The following ALPK1 variants were observed in gnomAD, a reference collection of about 807,000 sequenced individuals.
The protein encoded by ALPK1 is alpha-protein kinase 1.
A neutral mutation model predicts 120.6 loss-of-function variants in ALPK1; 110 were observed. The observed-to-expected ratio is 0.91, with a 90% CI of 0.78 to 1.07. The LOEUF (loss-of-function observed/expected upper bound fraction) is 1.07. Ranked by LOEUF, ALPK1 falls within the 50% of genes least tolerant of loss-of-function variation. The pLI, the probability that ALPK1 is intolerant of heterozygous loss-of-function variation, is 0.00. For synonymous variants in ALPK1, 582 were observed against 560.3 expected (o/e 1.04, Z -0.55); for missense variants, 1,498 against 1,483.9 (o/e 1.01, Z -0.16).
intron 1 of ALPK1, among the ~76,000 whole-genome samples, chr4:112,310,957 A>G (rs1191037278): frequency 6.6e-6 from 1 of 151,320 alleles, no homozygotes; most frequent in Non-Finnish European, 1.5e-5. Flanking sequence ...GGGACTTTAA[A>G]GACTTTAGCA....
chr4:112,434,825 T>C (rs1347364268), intron 11 of ALPK1, among the ~76,000 whole-genome samples: 3 of 152,198 alleles, frequency 2.0e-5, no homozygotes, highest in Admixed American at 1.3e-4. Context: ...TCTCTGGGGT[T>C]TTCTGATTTT....
intron 5 of ALPK1, among the ~76,000 whole-genome samples, chr4:112,412,612 G>T (rs376897023): frequency 2.0e-5 from 3 of 151,932 alleles, no homozygotes; most frequent in Admixed American, 6.6e-5. Context: ...GGGCTGGGGG[G>T]AGGGGGGCCT....
chr4:112,404,759 C>T (rs942275997), intron 4 of ALPK1, among the ~76,000 whole-genome samples: 1 of 152,152 alleles, frequency 6.6e-6, no homozygotes, highest in African/African-American at 2.4e-5. Flanking sequence ...GGATTGTGAA[C>T]ATTTTTGTGT....
chr4:112,358,916 C>T lies in ALPK1; in HGVS notation c.-100-18762C>T. 4 of 769,098 alleles carry T rather than the reference C, an allele frequency of 5.2e-6. No individual in the cohort carries two copies. In the South Asian group the frequency reaches 5.4e-5, roughly 10 times the overall value. The allele number at this position is 769,098 out of a possible 1,614,324, so 47.6% of individuals were successfully genotyped here. A position where few individuals can be genotyped will look rare whatever the true frequency, so the allele number is the denominator to read the frequency against. On this transcript the variant is annotated intron_variant, in intron 2 of 15. Transcript: ENST00000650871. ...TTGGCCTCCTCTTTGCTGAAAACCC[C>T]AAGAAGCACAGCCAGCTCCAGGGCT...
chr4:112,352,591 A>C (rs1361376585), intron 2 of ALPK1: 1 of 152,210 alleles, frequency 6.6e-6, no homozygotes, highest in Non-Finnish European at 1.5e-5. Flanking sequence ...ATGCTATGTA[A>C]ATAGTTGTTA....
At chr4:112,332,756 C>G (rs1435660393) in intron 2 of ALPK1, among the ~76,000 whole-genome samples, 2 of 152,256 alleles carry the variant, frequency 1.3e-5, no homozygotes, top group Non-Finnish European at 2.9e-5. Context: ...CATTTATCAC[C>G]CAACCCTCTT....
chr4:112,335,595 T>A (rs1729580729), intron 2 of ALPK1, among the ~76,000 whole-genome samples: 1 of 152,194 alleles, frequency 6.6e-6, no homozygotes, highest in Non-Finnish European at 1.5e-5. Flanking sequence ...AGTTTCTGAG[T>A]ACCAGCTTTG....
chr4:112,329,050 G>C (rs988191037), intron 2 of ALPK1, among the ~76,000 whole-genome samples: 3 of 152,178 alleles, frequency 2.0e-5, no homozygotes, highest in African/African-American at 7.2e-5. Flanking sequence ...CTAGAGTCCA[G>C]AAACTGTGCC....
At position 112,334,486 on chromosome 4, in the gene ALPK1, A is replaced by C. The variant is rs549916406; in HGVS notation, c.-101+18634A>C. Among the ~76,000 whole-genome samples, 4 of 152,196 alleles carry C rather than the reference A, an allele frequency of 2.6e-5. No homozygotes were observed. In the South Asian group the frequency reaches 8.3e-4, roughly 32 times the overall value. On this transcript the variant is annotated intron_variant, in intron 2 of 15. Coordinates refer to ENST00000650871, the MANE Select transcript of ALPK1 (RefSeq NM_025144.4). ...AAGAAAGGCAGTTTTCCCTGTCCAT[A>C]CTGCCAATAAATGAAGCTTTGTTCA... is the stretch of plus-strand genomic sequence containing the variant.
At chr4:112,313,488 C>G (rs367873806) in intron 1 of ALPK1, among the ~76,000 whole-genome samples, 6 of 152,134 alleles carry the variant, frequency 3.9e-5, no homozygotes, top group Non-Finnish European at 7.4e-5. Flanking sequence ...TTTGGGAGGC[C>G]GGGGCAGGTG....
In ALPK1 at chr4:112,441,498, A is replaced by G; in HGVS notation, c.*288A>G. The G allele has an allele frequency of 2.4e-6, 1 of 423,988 alleles. No individual in the cohort carries two copies. The highest frequency in any genetic ancestry group is 3.8e-5 in the East Asian group (1 of 25,996). The allele number at this position is 423,988 out of a possible 1,614,324, so 26.3% of individuals were successfully genotyped here. ...AAGGCATGTGTTGTTTAAGCCATTG[A>G]GATTTTAGAGCTTTTTGTCACTATC... On this transcript the variant is annotated 3_prime_UTR_variant, in exon 16 of 16. Coordinates refer to ENST00000650871, the MANE Select transcript of ALPK1 (RefSeq NM_025144.4).
chr4:112,437,220 A>G (rs1017027453), intron 12 of ALPK1, among the ~76,000 whole-genome samples: 1 of 151,376 alleles, frequency 6.6e-6, no homozygotes, highest in African/African-American at 2.5e-5. Flanking sequence ...CATAGCAACA[A>G]TGGAATTCAG....
chr4:112,317,772 T>C (rs1728700099), intron 2 of ALPK1, among the ~76,000 whole-genome samples: 1 of 152,210 alleles, frequency 6.6e-6, no homozygotes, highest in Non-Finnish European at 1.5e-5. Flanking sequence ...TTTTCGATGA[T>C]TTTTTGCAGA....
intron 2 of ALPK1, among the ~76,000 whole-genome samples, chr4:112,320,751 C>A (rs1728831775): frequency 6.6e-6 from 1 of 151,986 alleles, no homozygotes; most frequent in African/African-American, 2.4e-5. Context: ...TCTATTTCTT[C>A]CTGGTTTAAT....
Position 112,439,081 on chromosome 4 carries a change from A to G in ALPK1, c.3351+435A>G, listed in dbSNP as rs78923985. 1.3e-3 allele frequency among the ~76,000 whole-genome samples: 191 copies of G among 152,282 alleles called. 2 individuals carry two copies. The East Asian group carries it at 0.03, about 24-fold the overall frequency. On this transcript the variant is annotated intron_variant, in intron 13 of 15. Transcript: ENST00000650871. ...TCTTCACTAACATACCCCTTTCAAT[A>G]GATAAAGGCTAATATTCCCATTGAG...
chr4:112,309,191 G>A (rs1353356496), intron 1 of ALPK1, among the ~76,000 whole-genome samples: 2 of 152,110 alleles, frequency 1.3e-5, no homozygotes, highest in South Asian at 2.1e-4. Flanking sequence ...GCTACTTGGG[G>A]GTCAGGGACC....
chr4:112,297,661 G>T (rs528095121), intron 1 of ALPK1, among the ~76,000 whole-genome samples, 192 bp downstream of exon 1: 4 of 151,892 alleles, frequency 2.6e-5, no homozygotes, highest in Non-Finnish European at 4.4e-5. Context: ...TGGGGTGAAG[G>T]GGGTGGAGTG....
chr4:112,386,851 C>G (rs934074831), intron 4 of ALPK1, among the ~76,000 whole-genome samples: 1 of 152,180 alleles, frequency 6.6e-6, no homozygotes, highest in Non-Finnish European at 1.5e-5. Context: ...TTCTCCCTCT[C>G]TTATTTAAAA....
At chr4:112,328,211 C>A (rs1729201075) in intron 2 of ALPK1, among the ~76,000 whole-genome samples, 1 of 152,246 alleles carries the variant, frequency 6.6e-6, no homozygotes, top group African/African-American at 2.4e-5. Flanking sequence ...CAGGTTCCTT[C>A]TGTCTGTGGG....
Sources: allele counts gnomAD v4.1 joint callset (sites outside exome capture counted in the v4.1 genomes callset), GRCh38; gene constraint gnomAD v4.1.1; transcripts MANE v1.5; gene names NCBI Gene and HGNC (gene_info 2026-07-23, HGNC 2026-07-21).